DSG3: variants seen among roughly 807,000 people sequenced by gnomAD.
DSG3 encodes the protein desmoglein-3.
In DSG3, 63 loss-of-function variants were observed where a neutral mutation model predicts 85.9. That is an observed-to-expected ratio of 0.73 (90% CI 0.60 to 0.90). The LOEUF (loss-of-function observed/expected upper bound fraction) is 0.90, where lower values mean the gene tolerates loss of function less well. Among genes scored for constraint, DSG3 ranks in the 40% least tolerant of loss-of-function variants. The pLI is 0.00. For synonymous variants in DSG3, 447 were observed against 441.9 expected (o/e 1.01, Z -0.14); for missense variants, 1,220 against 1,219.9 (o/e 1.00, Z 0.00).
chr18:31,449,238 A>G (rs1413746820), intron 1 of DSG3, among the ~76,000 whole-genome samples: 1 of 152,174 alleles, frequency 6.6e-6, no homozygotes, highest in Non-Finnish European at 1.5e-5. Context: ...AACTGTGTTC[A>G]GTACCTGATT....
intron 8 of DSG3, among the ~76,000 whole-genome samples, chr18:31,463,427 T>A (rs2072798059): frequency 6.6e-6 from 1 of 152,198 alleles, no homozygotes; most frequent in Admixed American, 6.5e-5. Flanking sequence ...TTTTCTTATC[T>A]CATCACTCTC....
intron 3 of DSG3, among the ~76,000 whole-genome samples, chr18:31,457,566 TTTC>T (rs1218891304): frequency 1.9e-5 from 2 of 104,064 alleles, no homozygotes; most frequent in East Asian, 4.6e-4. Flanking sequence ...TCTTTCTTTC[TTTC>T]TTTCTTTCTT....
rs951462756 is a variant in DSG3 at position 31,466,695 on chromosome 18, T to C, written c.1577T>C (p.Phe526Ser). The part of the protein sequence containing the change: ...LNNRYTGPYT[F>S]ALEDQPVKLP... ...AATAGATACACTGGCCCCTATACAT[T>C]TGCACTGGAAGATCAACCTGTAAAG... Residue 526 changes from phenylalanine to serine, a missense_variant, in exon 11 of 16, where the codon TTT becomes TCT. Phe to Ser is a radical substitution (Grantham distance 155, BLOSUM62 -2). Transcript: ENST00000257189. 1.1e-5 allele frequency: 17 copies of C among 1,614,074 alleles called. No individual in the cohort carries two copies. The highest frequency in any genetic ancestry group is 1.4e-5 in the Non-Finnish European group (16 of 1,180,040).
At chr18:31,461,018 C>T (rs72925137) in intron 7 of DSG3, 57 bp downstream of exon 7, 22,794 of 1,483,540 alleles carry the variant, frequency 0.015, 251 homozygotes, top group Middle Eastern at 0.035. Flanking sequence ...CTTTGAAATC[C>T]TAATTCAGGA....
At position 31,476,936 on chromosome 18, in the gene DSG3, G is replaced by A. The variant is rs866336085; in HGVS notation, c.*676G>A. On this transcript the variant is annotated 3_prime_UTR_variant, in exon 16 of 16. Coordinates refer to ENST00000257189, the MANE Select transcript of DSG3 (RefSeq NM_001944.3). ...ATTGCGCCACTGCAGTCCGCAGTCC[G>A]GCCTGGGCGACAGAGCGAGACTCCG... 2 of 150,234 alleles carry A rather than the reference G, an allele frequency of 1.3e-5. No homozygotes were observed. Among genetic ancestry groups the A allele is most frequent in the Admixed American group, 1.3e-4 (2 of 15,114 alleles). 9.3% of individuals were successfully genotyped at this position (150,234 alleles called of 1,614,324 possible).
At position 31,459,122 on chromosome 18, in the gene DSG3, T is replaced by A. The variant is rs1046571576; in HGVS notation, c.462T>A (p.Pro154=). 16 of 1,613,296 alleles carry A rather than the reference T, an allele frequency of 9.9e-6. No individual in the cohort carries two copies. The highest frequency in any genetic ancestry group is 1.4e-5 in the Non-Finnish European group (16 of 1,179,906). ...TVKILDINDN[P]PVFSQQIFMG... is the part of the protein sequence containing the mutation. ...AAATTTTGGATATTAATGATAATCC[T>A]CCAGTATTTTCACAACAAATTTTCA... is the stretch of plus-strand genomic sequence containing the variant. Residue 154 remains proline, a synonymous_variant, in exon 5 of 16, where the codon CCT becomes CCA. Coordinates refer to ENST00000257189, the MANE Select transcript of DSG3 (RefSeq NM_001944.3).
chr18:31,458,959 C>T, intron 4 of DSG3, 74 bp from the exon 5 acceptor site: 1 of 1,512,902 alleles, frequency 6.6e-7, no homozygotes, highest in East Asian at 2.3e-5. Context: ...CCAACAGAGG[C>T]CTTATTTATA....
intron 12 of DSG3, among the ~76,000 whole-genome samples, chr18:31,469,920 A>G (rs948246978): frequency 3.9e-5 from 6 of 152,134 alleles, no homozygotes; most frequent in African/African-American, 1.4e-4. Context: ...TTATTGCTTC[A>G]TCTAGCATTT....
chr18:31,472,609 G>A (rs960265157), intron 13 of DSG3, 116 bp from the exon 14 acceptor site: 7 of 1,298,238 alleles, frequency 5.4e-6, no homozygotes, highest in African/African-American at 1.5e-5. Context: ...ATCGCTGAAA[G>A]AATTTGCACT....
intron 8 of DSG3, among the ~76,000 whole-genome samples, chr18:31,462,918 C>G (rs1481491647): frequency 5.3e-5 from 8 of 152,182 alleles, no homozygotes; most frequent in Admixed American, 5.2e-4. Flanking sequence ...TGAAGCTGGC[C>G]TTCAACCCTA....
chr18:31,457,612 CTTTCTTTCTT>C (rs2072756555), intron 3 of DSG3, among the ~76,000 whole-genome samples: 1 of 114,824 alleles, frequency 8.7e-6, no homozygotes, highest in East Asian at 2.2e-4. Flanking sequence ...TTCTTTCTTT[CTTTCTTTCTT>C]TCTTTCTTTC....
At chr18:31,456,921 T>G in intron 2 of DSG3, 72 bp from the exon 3 acceptor site, 1 of 1,495,832 alleles carries the variant, frequency 6.7e-7, no homozygotes, top group Non-Finnish European at 9.0e-7. Context: ...CTCAACTAGG[T>G]GTCTGTAATC....
chr18:31,459,262 A>AGAGCATAAATTAG, intron 5 of DSG3, 85 bp downstream of exon 5: 3 of 1,269,360 alleles, frequency 2.4e-6, no homozygotes, highest in African/African-American at 1.5e-5. Context: ...TTATAAACTA[A>AGAGCATAAATTAG]TTTATGCTCT....
intron 8 of DSG3, among the ~76,000 whole-genome samples, chr18:31,463,838 G>C (rs2072800350): frequency 6.6e-6 from 1 of 152,086 alleles, no homozygotes; most frequent in Non-Finnish European, 1.5e-5. Flanking sequence ...CAAACTTGGG[G>C]TTCTTTCCAC....
Position 31,466,671 on chromosome 18 carries a change from A to G in DSG3, c.1553A>G (p.Asn518Ser), listed in dbSNP as rs760159654. The G allele has an allele frequency of 1.2e-6, 2 of 1,614,200 alleles. No homozygotes were observed. The highest frequency in any genetic ancestry group is 2.2e-5 in the East Asian group (1 of 44,868). The stretch of plus-strand genomic sequence containing the variant: ...GTTGTCTCCGCTAGAACACTGAATA[A>G]TAGATACACTGGCCCCTATACATTT... ...SVVVSARTLN[N>S]RYTGPYTFAL... Residue 518 changes from asparagine (N) to serine (S), a missense_variant, in exon 11 of 16, where the codon AAT becomes AGT. Physicochemically the swap from Asn to Ser is conservative, Grantham distance 46. Transcript: ENST00000257189.
intron 1 of DSG3, 85 bp from the exon 2 acceptor site, chr18:31,456,355 A>C (rs2072741817): frequency 1.2e-6 from 1 of 861,612 alleles, no homozygotes; most frequent in Admixed American, 3.1e-5. Flanking sequence ...TGAACAATAG[A>C]ATATAATAAT....
intron 9 of DSG3, 108 bp from the exon 10 acceptor site, chr18:31,465,210 G>T: frequency 1.4e-6 from 1 of 709,286 alleles, no homozygotes; most frequent in Non-Finnish European, 2.0e-6. Flanking sequence ...ATTTCAATGT[G>T]AACATATATT....
chr18:31,458,139 T>C (rs1032122846), intron 3 of DSG3, among the ~76,000 whole-genome samples: 1 of 152,120 alleles, frequency 6.6e-6, no homozygotes, highest in Admixed American at 6.6e-5. Context: ...CCTTCAGGAG[T>C]AGCCTTGTCA....
Position 31,476,241 on chromosome 18 carries a change from C to A in DSG3, c.2981C>A (p.Pro994His). ...GSHTMLCTEDPCSRLI is the reference protein window; with the variant it reads ...GSHTMLCTEDHCSRLI The stretch of plus-strand genomic sequence containing the variant: ...CATACTATGCTCTGTACAGAGGATC[C>A]TTGCTCCCGTCTAATATGACCAGAA... The change falls in exon 16 of 16, where the codon CCT (proline) becomes CAT (histidine). Residue 994 changes from proline (P) to histidine (H), a missense_variant. Coordinates refer to ENST00000257189, the MANE Select transcript of DSG3 (RefSeq NM_001944.3). 3 of 1,610,956 alleles carry A rather than the reference C, an allele frequency of 1.9e-6. No homozygotes were observed. The highest frequency in any genetic ancestry group is 2.5e-6 in the Non-Finnish European group (3 of 1,178,202).
Sources: gnomAD v4.1 joint callset for allele counts (sites outside exome capture counted in the v4.1 genomes callset) on GRCh38, gnomAD v4.1.1 for gene constraint, MANE v1.5 for transcripts, NCBI Gene and HGNC (gene_info 2026-07-23, HGNC 2026-07-21) for gene names.